Variants in LRMDA observed in about 807,000 individuals in gnomAD.
The protein encoded by LRMDA is leucine-rich melanocyte differentiation-associated protein.
LRMDA carries 18 observed loss-of-function variants against 29.8 expected under a neutral mutation model. The observed-to-expected ratio is 0.60, with a 90% CI of 0.42 to 0.90. The LOEUF (loss-of-function observed/expected upper bound fraction) is 0.90, where lower values mean the gene tolerates loss of function less well. Among genes scored for constraint, LRMDA ranks in the 40% least tolerant of loss-of-function variants. The probability of loss-of-function intolerance (pLI) is 0.00; values close to 1 mark genes in which losing one functional copy is unlikely to be tolerated. For synonymous variants in LRMDA, 125 were observed against 109.4 expected, an observed-to-expected ratio of 1.14 and a Z score of -0.89; for missense variants, 273 against 273.9, an observed-to-expected ratio of 1.00 and a Z score of 0.02.
chr10:75,659,394 G>A (rs148319920), intron 2 of LRMDA, among the ~76,000 whole-genome samples: 199 of 151,774 alleles, frequency 1.3e-3, no homozygotes, highest in African/African-American at 4.6e-3. Context: ...CTTTATTTGA[G>A]GTGGAATTGG....
chr10:76,240,180 A>ACACACACACACAC (rs1372776160), intron 5 of LRMDA, among the ~76,000 whole-genome samples: 1 of 149,896 alleles, frequency 6.7e-6, no homozygotes, highest in Non-Finnish European at 1.5e-5. Context: ...AAAATCGCAT[A>ACACACACACACAC]CACACACACA....
At chr10:76,527,349 C>T (rs936663712) in intron 6 of LRMDA, among the ~76,000 whole-genome samples, 1 of 152,192 alleles carries the variant, frequency 6.6e-6, no homozygotes, top group African/African-American at 2.4e-5. Context: ...GTCAGAGACT[C>T]ACTGTCTAGA....
chr10:75,697,017 C>G (rs1842243295), intron 2 of LRMDA, among the ~76,000 whole-genome samples: 1 of 152,162 alleles, frequency 6.6e-6, no homozygotes, highest in Admixed American at 6.6e-5. Flanking sequence ...TCACTTGATT[C>G]TTATTTCCAG....
chr10:76,042,408 C>G (rs900582614), intron 3 of LRMDA, among the ~76,000 whole-genome samples: 1 of 152,190 alleles, frequency 6.6e-6, no homozygotes, highest in Non-Finnish European at 1.5e-5. Flanking sequence ...CTGCAGACCC[C>G]TTGCCCAGGA....
At chr10:76,514,214 A>G (rs1025961755) in intron 6 of LRMDA, among the ~76,000 whole-genome samples, 1 of 152,176 alleles carries the variant, frequency 6.6e-6, no homozygotes, top group African/African-American at 2.4e-5. Flanking sequence ...GGACTCAGCA[A>G]ATGCAGCTCA....
At chr10:76,272,993 G>A (rs1276720267) in intron 5 of LRMDA, among the ~76,000 whole-genome samples, 11 of 152,228 alleles carry the variant, frequency 7.2e-5, no homozygotes, top group Non-Finnish European at 1.0e-4. Flanking sequence ...TTCAAGATGC[G>A]ATTTGGGTGG....
At chr10:75,530,646 G>C (rs1228891349) in intron 2 of LRMDA, among the ~76,000 whole-genome samples, 1 of 152,174 alleles carries the variant, frequency 6.6e-6, no homozygotes, top group Admixed American at 6.5e-5. Context: ...CCTTCACTGT[G>C]GGAATGGCTT....
chr10:76,352,986 G>T (rs1841195947), intron 6 of LRMDA, among the ~76,000 whole-genome samples: 1 of 152,062 alleles, frequency 6.6e-6, no homozygotes, highest in South Asian at 2.1e-4. Flanking sequence ...AAGAAAACTG[G>T]ATTCTTTGAG....
chr10:75,621,606 C>T (rs972598089), intron 2 of LRMDA, among the ~76,000 whole-genome samples: 10 of 152,146 alleles, frequency 6.6e-5, no homozygotes, highest in South Asian at 2.1e-4. Context: ...AGAGAATTGC[C>T]GTCTCCTGGT....
chr10:75,767,175 G>C (rs548883528), intron 2 of LRMDA, among the ~76,000 whole-genome samples: 2 of 152,150 alleles, frequency 1.3e-5, no homozygotes, highest in South Asian at 2.1e-4. Context: ...GGGATTGCTG[G>C]GTCAAATTGT....
intron 5 of LRMDA, among the ~76,000 whole-genome samples, chr10:76,312,263 G>A (rs1287222427): frequency 1.3e-5 from 2 of 152,194 alleles, no homozygotes; most frequent in Non-Finnish European, 2.9e-5. Flanking sequence ...TGGATAAACT[G>A]TCAGTTTTGA....
chr10:76,389,747 A>G (rs2132482020), intron 6 of LRMDA, among the ~76,000 whole-genome samples: 1 of 150,498 alleles, frequency 6.6e-6, no homozygotes, highest in African/African-American at 2.5e-5. Flanking sequence ...GTGCTTACTT[A>G]TTTCGCTTAG....
chr10:76,025,195 G>A (rs1848041655), intron 2 of LRMDA, among the ~76,000 whole-genome samples: 1 of 151,326 alleles, frequency 6.6e-6, no homozygotes, highest in African/African-American at 2.4e-5. Context: ...CACCAGGGTG[G>A]GAAAAAGACA....
At chr10:75,667,817 G>A (rs971295257) in intron 2 of LRMDA, among the ~76,000 whole-genome samples, 2 of 152,128 alleles carry the variant, frequency 1.3e-5, no homozygotes, top group Non-Finnish European at 2.9e-5. Flanking sequence ...TGAAAAAAAC[G>A]TATTAATTAG....
At chr10:75,605,463 C>T (rs765366447) in intron 2 of LRMDA, among the ~76,000 whole-genome samples, 1 of 152,138 alleles carries the variant, frequency 6.6e-6, no homozygotes, top group African/African-American at 2.4e-5. Context: ...TTGTGGGATA[C>T]TTAACTAAAA....
chr10:76,287,590 C>G (rs1420012617), intron 5 of LRMDA, among the ~76,000 whole-genome samples: 1 of 151,980 alleles, frequency 6.6e-6, no homozygotes, highest in East Asian at 1.9e-4. Flanking sequence ...ATATTTATGC[C>G]AGCCTGCTCC....
chr10:76,501,833 C>G (rs1237828844), intron 6 of LRMDA, among the ~76,000 whole-genome samples: 1 of 151,812 alleles, frequency 6.6e-6, no homozygotes, highest in Non-Finnish European at 1.5e-5. Context: ...TTGATAGTTT[C>G]TTTTGTTGTA....
intron 2 of LRMDA, among the ~76,000 whole-genome samples, chr10:75,695,174 T>A (rs958409400): frequency 4.6e-5 from 7 of 152,068 alleles, no homozygotes; most frequent in Admixed American, 3.9e-4. Flanking sequence ...TTTTTTTAAA[T>A]TTTTCCTTAA....
intron 2 of LRMDA, among the ~76,000 whole-genome samples, chr10:75,801,820 G>A (rs949929755): frequency 4.6e-5 from 7 of 152,218 alleles, no homozygotes; most frequent in Admixed American, 1.3e-4. Context: ...CTCTAGGAAG[G>A]CAAGAGAAGA....
Sources: gnomAD v4.1 joint callset for allele counts (sites outside exome capture counted in the v4.1 genomes callset) on GRCh38, gnomAD v4.1.1 for gene constraint, MANE v1.5 for transcripts, NCBI Gene and HGNC (gene_info 2026-07-23, HGNC 2026-07-21) for gene names.